Variants in RBBP5 observed in about 807,000 individuals in gnomAD.
RBBP5 encodes the protein retinoblastoma-binding protein 5.
RBBP5 carries 5 observed loss-of-function variants against 72.2 expected under a neutral mutation model. That is an observed-to-expected ratio of 0.07 (90% CI 0.04 to 0.15). The LOEUF (loss-of-function observed/expected upper bound fraction) is 0.15. Ranked by LOEUF, RBBP5 falls within the 10% of genes least tolerant of loss-of-function variation. The probability of loss-of-function intolerance (pLI) is 1.00; values close to 1 mark genes in which losing one functional copy is unlikely to be tolerated. For missense variants in RBBP5, 322 were observed against 652.2 expected (o/e 0.49, Z 5.51); for synonymous variants, 209 against 237.2 (o/e 0.88, Z 1.09).
chr1:205,104,844 A>C (rs1261807023), intron 4 of RBBP5, among the ~76,000 whole-genome samples, 184 bp downstream of exon 4: 2 of 150,920 alleles, frequency 1.3e-5, no homozygotes, highest in Non-Finnish European at 3.0e-5. Context: ...TCTCAAAAAA[A>C]AGAAAGAAAG....
chr1:205,094,974 T>C lies in RBBP5; in HGVS notation c.1487A>G (p.Asp496Gly). Residue 496 changes from aspartate to glycine, a missense_variant, in exon 13 of 14, where the codon GAT (aspartate) becomes GGT (glycine). This residue lies in a region of RBBP5 where 109 missense variants were observed against 146.3 expected (regional missense o/e 0.75). Transcript: ENST00000264515. ...RPKGSKGKEKDSPFKPKLYKG... is the reference protein window; with the variant it reads ...RPKGSKGKEKGSPFKPKLYKG... ...GTAGAGTTTCGGTTTAAATGGAGAA[T>C]CTTTCTCTTTACCTTTTGATCCTTT... 6.2e-7 allele frequency: 1 copy of C among 1,614,112 alleles called. No individual in the cohort carries two copies. Among genetic ancestry groups the C allele is most frequent in the South Asian group, 1.1e-5 (1 of 91,080 alleles).
chr1:205,103,205 C>T (rs1431954051), intron 5 of RBBP5, among the ~76,000 whole-genome samples: 1 of 107,834 alleles, frequency 9.3e-6, no homozygotes, highest in African/African-American at 3.7e-5. Context: ...GCCTAGGCAA[C>T]AGAGTGAGAC....
intron 1 of RBBP5, among the ~76,000 whole-genome samples, chr1:205,118,195 C>T (rs2102336736): frequency 6.6e-6 from 1 of 152,306 alleles, no homozygotes; most frequent in Middle Eastern, 3.4e-3. Flanking sequence ...GTTTGTCTCT[C>T]CTCTTAGCTC....
Position 205,099,636 on chromosome 1 carries a change from T to C in RBBP5, c.978+105A>G, listed in dbSNP as rs1574696449. The C allele has an allele frequency of 4.1e-6, 5 of 1,216,944 alleles. No homozygotes were observed. The highest frequency in any genetic ancestry group is 1.2e-6 in the Non-Finnish European group (1 of 861,606). The allele number at this position is 1,216,944 out of a possible 1,614,324, so 75.4% of individuals were successfully genotyped here. On this transcript the variant is annotated intron_variant, in intron 9 of 13. Coordinates refer to ENST00000264515, the MANE Select transcript of RBBP5 (RefSeq NM_005057.4). This position sits in a 1 kb window ranked among gnomAD's most constrained non-coding sequence, Gnocchi z 4.7. Reference sequence around the variant, plus strand: ...TATGTAATTTAGGTTGCGAGAATCATATGCAAAAGAAAATAAAAATGTAAT... The same window carrying C: ...TATGTAATTTAGGTTGCGAGAATCACATGCAAAAGAAAATAAAAATGTAAT...
intron 10 of RBBP5, among the ~76,000 whole-genome samples, chr1:205,097,672 T>C (rs1655669451): frequency 6.6e-6 from 1 of 152,168 alleles, no homozygotes; most frequent in Non-Finnish European, 1.5e-5. Flanking sequence ...TTTAATACAG[T>C]AATGGTATGT....
intron 2 of RBBP5, among the ~76,000 whole-genome samples, chr1:205,115,639 G>A (rs1165146899): frequency 1.3e-5 from 2 of 152,142 alleles, no homozygotes; most frequent in Non-Finnish European, 2.9e-5. Context: ...AAAGGAAAAT[G>A]AACTGTAAGA....
At chr1:205,097,453 G>T in intron 10 of RBBP5, 58 bp from the exon 11 acceptor site, 1 of 1,474,286 alleles carries the variant, frequency 6.8e-7, no homozygotes, top group Non-Finnish European at 9.3e-7. Context: ...CTTTTTATTT[G>T]CAGCTTCAAG....
chr1:205,096,463 G>A (rs931030446), intron 12 of RBBP5, among the ~76,000 whole-genome samples: 16 of 152,164 alleles, frequency 1.1e-4, no homozygotes, highest in African/African-American at 3.9e-4. Context: ...GAATTAAAGT[G>A]CAGCATCTTA....
chr1:205,121,742 T>C (rs1162067628), intron 1 of RBBP5, 113 bp downstream of exon 1: 1 of 1,528,190 alleles, frequency 6.5e-7, no homozygotes, highest in South Asian at 1.1e-5. Flanking sequence ...GTGTGCCCAG[T>C]GATCCATAGC....
intron 3 of RBBP5, among the ~76,000 whole-genome samples, chr1:205,113,445 A>G (rs75964228): frequency 0.1 from 15,350 of 151,866 alleles, 1,424 homozygotes; most frequent in African/African-American, 0.24. Context: ...ACACCCAGCT[A>G]ATTTTTTTAC....
At chr1:205,101,566 A>G (rs762387322) in intron 6 of RBBP5, 34 bp downstream of exon 6, 1 of 1,501,404 alleles carries the variant, frequency 6.7e-7, no homozygotes, top group South Asian at 1.2e-5. Flanking sequence ...ATTCACTCTT[A>G]AAACTGTCCC....
chr1:205,101,517 TAC>T (rs1655821317), intron 6 of RBBP5, 81 bp downstream of exon 6: 5 of 965,420 alleles, frequency 5.2e-6, no homozygotes, highest in Admixed American at 5.3e-5. Context: ...AAGTATAATA[TAC>T]ATGAAAACTG....
At chr1:205,092,899 C>T (rs1655406517) in intron 13 of RBBP5, among the ~76,000 whole-genome samples, 1 of 152,188 alleles carries the variant, frequency 6.6e-6, no homozygotes, top group Admixed American at 6.5e-5. Flanking sequence ...TTGAAAAGCA[C>T]ATGATTAGGG....
intron 3 of RBBP5, among the ~76,000 whole-genome samples, chr1:205,112,384 C>T (rs996374844): frequency 4.6e-5 from 7 of 152,086 alleles, no homozygotes; most frequent in African/African-American, 1.4e-4. Context: ...ACCGTTATTC[C>T]CCTTCACTAC....
chr1:205,099,987 T>C lies in RBBP5; in HGVS notation c.830A>G (p.Tyr277Cys). 6.2e-7 allele frequency: 1 copy of C among 1,614,228 alleles called. No homozygotes were observed. The highest frequency in any genetic ancestry group is 8.5e-7 in the Non-Finnish European group (1 of 1,180,048). Residue 277 changes from tyrosine (Y) to cysteine (C), a missense_variant, in exon 8 of 14, where the codon TAC becomes TGC. By Grantham distance (194) the Tyr-to-Cys change is radical. Coordinates refer to ENST00000264515, the MANE Select transcript of RBBP5 (RefSeq NM_005057.4). This position sits in a 1 kb window ranked among gnomAD's most constrained non-coding sequence, Gnocchi z 4.7. ...GTTGCCAATGCTCTTCTCCCAGATG[T>C]ACAGGGCATGCTGCCGGGCAGAACC... ...VAGSARQHAL[Y>C]IWEKSIGNLV...
rs760605412 is a variant in RBBP5, at chr1:205,103,934, C to T, written c.445G>A (p.Asp149Asn). 3 of 1,614,146 alleles carry T rather than the reference C, an allele frequency of 1.9e-6. No individual in the cohort carries two copies. Among genetic ancestry groups the T allele is most frequent in the Non-Finnish European group, 2.5e-6 (3 of 1,179,994 alleles). Residue 149 changes from aspartate (D) to asparagine (N), a missense_variant, in exon 5 of 14, where the codon GAT becomes AAT. Coordinates refer to ENST00000264515, the MANE Select transcript of RBBP5 (RefSeq NM_005057.4). Reference sequence around the variant, plus strand: ...GCCACAACGTTCAAATCGGAGTCATCGTCCACCGGCAGAACAACATGTTTG... The same window carrying T: ...GCCACAACGTTCAAATCGGAGTCATTGTCCACCGGCAGAACAACATGTTTG... ...DSKHVVLPVDDDSDLNVVASF... is the reference protein window; with the variant it reads ...DSKHVVLPVDNDSDLNVVASF...
At chr1:205,104,965 G>C (rs1337151706) in intron 4 of RBBP5, 63 bp downstream of exon 4, 7 of 1,533,416 alleles carry the variant, frequency 4.6e-6, no homozygotes, top group Admixed American at 1.8e-5. Context: ...AAATTATCAT[G>C]AGCCCAGAGC....
chr1:205,098,707 T>C (rs1381648025), intron 10 of RBBP5, among the ~76,000 whole-genome samples: 1 of 151,562 alleles, frequency 6.6e-6, no homozygotes, highest in Non-Finnish European at 1.5e-5. Flanking sequence ...TCGCTGGGAG[T>C]GGTGGCAGGC....
chr1:205,092,317 A>AT (rs1190564708), intron 13 of RBBP5, among the ~76,000 whole-genome samples: 3 of 151,938 alleles, frequency 2.0e-5, no homozygotes, highest in East Asian at 3.9e-4. Context: ...TTTTTTAATT[A>AT]TTTTTTTCTT....
Sources: allele counts gnomAD v4.1 joint callset (sites outside exome capture counted in the v4.1 genomes callset), GRCh38; gene constraint gnomAD v4.1.1; regional missense constraint gnomAD v4.1.1; non-coding constraint Gnocchi (gnomAD v3.1); transcripts MANE v1.5; gene names NCBI Gene and HGNC (gene_info 2026-07-23, HGNC 2026-07-21).